The following ZNF652 variants were observed in gnomAD, a reference collection of about 807,000 sequenced individuals.
ZNF652 encodes the protein zinc finger protein 652.
In ZNF652, 16 loss-of-function variants were observed where a neutral mutation model predicts 45.2. The ratio of observed to expected loss-of-function variants is 0.35; its 90% CI spans 0.24 to 0.54. The LOEUF is 0.54. ZNF652 is among the 20% of genes least tolerant of loss of function. ZNF652 has a pLI of 0.91. For synonymous variants in ZNF652, 250 were observed against 260.6 expected (o/e 0.96, Z 0.39); for missense variants, 614 against 765.6 (o/e 0.80, Z 2.34).
At chr17:49,343,334 A>T (rs773739137) in intron 1 of ZNF652, among the ~76,000 whole-genome samples, 4 of 152,226 alleles carry the variant, frequency 2.6e-5, no homozygotes, top group Non-Finnish European at 5.9e-5. Flanking sequence ...ACTCCAGAGA[A>T]GTTACTTTTA....
At chr17:49,343,926 C>T (rs1215339993) in intron 1 of ZNF652, among the ~76,000 whole-genome samples, 5 of 151,990 alleles carry the variant, frequency 3.3e-5, no homozygotes, top group South Asian at 2.1e-4. Flanking sequence ...CGGCCAGGCG[C>T]GGTGGCTCAA....
intron 1 of ZNF652, among the ~76,000 whole-genome samples, chr17:49,325,929 ATGGTGTTCCACAGATTTAGAG>A (rs2069951519): frequency 6.6e-6 from 1 of 152,192 alleles, no homozygotes. Flanking sequence ...TGCAAAGACT[ATGGTGTTCCACAGATTTAGAG>A]TGGTTTGCCT....
At chr17:49,362,368 G>C (rs2143177332), upstream of ZNF652, 1 of 151,068 alleles carries the variant, frequency 6.6e-6, no homozygotes, top group South Asian at 2.1e-4. Context: ...CGGCCGCTGG[G>C]AGCGGCGGCG....
intron 1 of ZNF652, among the ~76,000 whole-genome samples, chr17:49,330,889 AAAACAAAC>A (rs148491803): frequency 2.7e-5 from 4 of 149,162 alleles, no homozygotes; most frequent in East Asian, 2.1e-4. Context: ...TGTCTCTACT[AAAACAAAC>A]AAACAAACAA....
chr17:49,336,387 T>G (rs1415399773), intron 1 of ZNF652, among the ~76,000 whole-genome samples: 2 of 142,762 alleles, frequency 1.4e-5, no homozygotes, highest in South Asian at 2.2e-4. Flanking sequence ...TGGAATGCAA[T>G]GGCATGATCT....
Position 49,290,840 on chromosome 17 carries a change from T to C in ZNF652, c.*7573A>G, listed in dbSNP as rs1203301726. ...GAATAAGCTTTGAGCTAAGAGGCTA[T>C]TCCAGAAGAGATTTAAAAGTGGGAT... On this transcript the variant is annotated 3_prime_UTR_variant, in exon 6 of 6. Coordinates refer to ENST00000430262, the MANE Select transcript of ZNF652 (RefSeq NM_001145365.3). 1 of 152,242 alleles carries C rather than the reference T, an allele frequency of 6.6e-6. No homozygotes were observed. The highest frequency in any genetic ancestry group is 6.5e-5 in the Admixed American group (1 of 15,282). The allele number at this position is 152,242 out of a possible 1,614,324, so 9.4% of individuals were successfully genotyped here. A position where few individuals can be genotyped will look rare whatever the true frequency, so the allele number is the denominator to read the frequency against.
intron 1 of ZNF652, among the ~76,000 whole-genome samples, chr17:49,354,777 G>A (rs1342538407): frequency 6.6e-6 from 1 of 151,692 alleles, no homozygotes; most frequent in African/African-American, 2.4e-5. Context: ...CCAGGCTGGA[G>A]TGCAGTGGTG....
At chr17:49,311,731 G>A (rs577949168) in intron 4 of ZNF652, among the ~76,000 whole-genome samples, 196 bp downstream of exon 4, 2 of 152,306 alleles carry the variant, frequency 1.3e-5, no homozygotes, top group South Asian at 4.1e-4. Flanking sequence ...CCTAATCTAA[G>A]AGAGTTAACA....
At chr17:49,337,337 TAAA>T (rs71369295) in intron 1 of ZNF652, among the ~76,000 whole-genome samples, 16 of 130,504 alleles carry the variant, frequency 1.2e-4, no homozygotes, top group Non-Finnish European at 1.3e-4. Context: ...CCCATTCTCT[TAAA>T]AAAAAAAAAA....
chr17:49,360,291 G>GC (rs967359069), intron 1 of ZNF652, among the ~76,000 whole-genome samples: 16 of 151,922 alleles, frequency 1.1e-4, no homozygotes, highest in Admixed American at 7.2e-4. Context: ...AACACACAAC[G>GC]CAAGTTCCTT....
At chr17:49,310,245 G>C (rs183131420) in intron 5 of ZNF652, among the ~76,000 whole-genome samples, 1 of 152,134 alleles carries the variant, frequency 6.6e-6, no homozygotes, top group Non-Finnish European at 1.5e-5. Flanking sequence ...GAGCCACCGC[G>C]CCCGGCCCTC....
chr17:49,345,877 T>C (rs1282870776), intron 1 of ZNF652, among the ~76,000 whole-genome samples: 1 of 150,558 alleles, frequency 6.6e-6, no homozygotes, highest in Non-Finnish European at 1.5e-5. Flanking sequence ...ATCAAACCCA[T>C]TCAGATTCAA....
At position 49,316,984 on chromosome 17, in the gene ZNF652, C is replaced by G. The variant is rs1056101745; in HGVS notation, c.742G>C (p.Glu248Gln). Residue 248 changes from glutamate to glutamine, a missense_variant, in exon 2 of 6, where the codon GAG (glutamate) becomes CAG (glutamine). This residue lies in a region of ZNF652 where 262 missense variants were observed against 306.3 expected (regional missense o/e 0.86). Transcript: ENST00000430262. ...GTGTTAAATACCCTGGGGCACTTCT[C>G]ACAGGTCAGAGTCTCTTTCTCTTCA... ...KCEEKETLTC[E>Q]KCPRVFNTRW... is the part of the protein sequence containing the mutation. The G allele has an allele frequency of 8.7e-6, 14 of 1,614,180 alleles. No homozygotes were observed. Among genetic ancestry groups the G allele is most frequent in the Non-Finnish European group, 1.2e-5 (14 of 1,180,028 alleles).
intron 1 of ZNF652, among the ~76,000 whole-genome samples, chr17:49,345,203 CTTTT>C (rs796601844): frequency 3.8e-5 from 5 of 130,874 alleles, no homozygotes; most frequent in Non-Finnish European, 3.3e-5. Flanking sequence ...CTAGATTTTT[CTTTT>C]TTTTTTTTTT....
chr17:49,337,066 G>A (rs1598307582), intron 1 of ZNF652, among the ~76,000 whole-genome samples: 1 of 150,886 alleles, frequency 6.6e-6, no homozygotes, highest in Non-Finnish European at 1.5e-5. Context: ...ATCAGGCATG[G>A]TGGCTCATGC....
At position 49,348,169 on chromosome 17, in the gene ZNF652, T is replaced by C. The variant is rs764217216; in HGVS notation, c.-259+13740A>G. On this transcript the variant is annotated intron_variant, in intron 1 of 5. Transcript: ENST00000430262. ...GCAAAATTCAGACTATGGAAAACTA[T>C]ACAACAAATAACTTGGATTCCTCAA... Among the ~76,000 whole-genome samples the C allele has an allele frequency of 7.1e-4, 108 of 152,026 alleles. 2 individuals are homozygous for C. Among genetic ancestry groups the C allele is most frequent in the Non-Finnish European group, 1.0e-4 (7 of 68,018 alleles).
Position 49,295,846 on chromosome 17 carries a change from G to A in ZNF652, c.*2567C>T, listed in dbSNP as rs1461824162. The A allele has an allele frequency of 6.8e-6, 1 of 146,212 alleles. No homozygotes were observed. Among genetic ancestry groups the A allele is most frequent in the African/African-American group, 2.5e-5 (1 of 39,356 alleles). The allele number at this position is 146,212 out of a possible 1,614,324, so 9.1% of individuals were successfully genotyped here. On this transcript the variant is annotated 3_prime_UTR_variant, in exon 6 of 6. Transcript: ENST00000430262. ...CCAGCTACTCGGGAGGCTGAGGCAGGAGAATCACTTGAACCCGGGGGGCGG... is the reference window on the plus strand; with the variant it reads ...CCAGCTACTCGGGAGGCTGAGGCAGAAGAATCACTTGAACCCGGGGGGCGG...
chr17:49,298,719 C>T lies in ZNF652; in HGVS notation c.1515G>A (p.Gln505=). The T allele has an allele frequency of 6.2e-7, 1 of 1,613,998 alleles. No homozygotes were observed. Among genetic ancestry groups the T allele is most frequent in the South Asian group, 1.1e-5 (1 of 91,074 alleles). ...TGGCTGGGGAAGTTGTAAGTGGGAT[C>T]TGGACAGCAGGTGGCACATTCACGG... ...TSPVNVPPAV[Q]IPLTTSPATP... is the part of the protein sequence containing the mutation. The change falls in exon 6 of 6, where the codon CAG becomes CAA. Residue 505 remains glutamine, a synonymous_variant. Coordinates refer to ENST00000430262, the MANE Select transcript of ZNF652 (RefSeq NM_001145365.3).
chr17:49,344,152 G>T (rs1028215092), intron 1 of ZNF652, among the ~76,000 whole-genome samples: 3 of 151,852 alleles, frequency 2.0e-5, no homozygotes, highest in African/African-American at 7.3e-5. Flanking sequence ...AGTGAGCCGA[G>T]ATCGTGCCAC....
Sources: allele counts gnomAD v4.1 joint callset (sites outside exome capture counted in the v4.1 genomes callset), GRCh38; gene constraint gnomAD v4.1.1; regional missense constraint gnomAD v4.1.1; transcripts MANE v1.5; gene names NCBI Gene and HGNC (gene_info 2026-07-23, HGNC 2026-07-21).